Variants in SLC35F4 observed in about 807,000 individuals in gnomAD.
The protein encoded by SLC35F4 is solute carrier family 35 member F4.
In SLC35F4, 24 loss-of-function variants were observed where a neutral mutation model predicts 44.2. The observed-to-expected ratio is 0.54, with a 90% CI of 0.39 to 0.76. The LOEUF (loss-of-function observed/expected upper bound fraction) is 0.76. SLC35F4 is among the 30% of genes least tolerant of loss of function. The pLI, the probability that SLC35F4 is intolerant of heterozygous loss-of-function variation, is 0.00. For synonymous variants in SLC35F4, 238 were observed against 223.6 expected (o/e 1.06, Z -0.57); for missense variants, 562 against 586.1 (o/e 0.96, Z 0.42).
chr14:57,571,282 T>C (rs551972654), intron 5 of SLC35F4, among the ~76,000 whole-genome samples: 59 of 152,268 alleles, frequency 3.9e-4, no homozygotes, highest in African/African-American at 1.4e-3. Flanking sequence ...TTTTCTTTGA[T>C]GACAGGGAAC....
rs1177594313 is a variant in SLC35F4 at position 57,746,428 on chromosome 14, CT to C, written c.103+119294del. Among the ~76,000 whole-genome samples, 16 of 152,080 alleles carry C rather than the reference CT, an allele frequency of 1.1e-4. No individual in the cohort carries two copies. In the East Asian group the frequency reaches 2.5e-3, roughly 24 times the overall value. On this transcript the variant is annotated intron_variant, in intron 1 of 7. Coordinates refer to ENST00000556826, the MANE Select transcript of SLC35F4 (RefSeq NM_001306087.2). ...TTTGTAATGATCATATTATTTTTCT[CT>C]TTGCTAACAATGTGGGTAACATTGA...
chr14:57,578,875 C>T (rs761173757), intron 4 of SLC35F4: 3 of 152,316 alleles, frequency 2.0e-5, no homozygotes, highest in Non-Finnish European at 4.4e-5. Flanking sequence ...TAACAAATTA[C>T]CACAAACGTG....
chr14:57,747,259 C>T (rs1400738683), intron 1 of SLC35F4, among the ~76,000 whole-genome samples: 1 of 152,142 alleles, frequency 6.6e-6, no homozygotes, highest in African/African-American at 2.4e-5. Flanking sequence ...GCTTACTGCA[C>T]TGGGCATTGC....
In SLC35F4 at chr14:57,702,049, T is replaced by G. The variant is rs180728179; in HGVS notation, c.104-107925A>C. Among the ~76,000 whole-genome samples the G allele has an allele frequency of 8.5e-5, 13 of 152,286 alleles. No individual in the cohort carries two copies. In the South Asian group the frequency reaches 1.2e-3, roughly 15 times the overall value. ...CCATAAGTTTGATTAGAGGGTGGTC[T>G]GTTTGGAAAACAGGATGCTTCAAAG... On this transcript the variant is annotated intron_variant, in intron 1 of 7. Coordinates refer to ENST00000556826, the MANE Select transcript of SLC35F4 (RefSeq NM_001306087.2).
intron 1 of SLC35F4, among the ~76,000 whole-genome samples, chr14:57,604,916 G>C (rs914740377): frequency 1.3e-5 from 2 of 152,150 alleles, no homozygotes; most frequent in African/African-American, 4.8e-5. Context: ...GCAAAAGAAT[G>C]AAACTGGACC....
chr14:57,594,363 A>AT (rs1160629825), intron 1 of SLC35F4, among the ~76,000 whole-genome samples: 2 of 152,042 alleles, frequency 1.3e-5, no homozygotes, highest in African/African-American at 4.8e-5. Flanking sequence ...CTAATTTTGT[A>AT]TTTTTTGTAG....
At chr14:57,652,167 C>T (rs934586478) in intron 1 of SLC35F4, among the ~76,000 whole-genome samples, 14 of 152,320 alleles carry the variant, frequency 9.2e-5, no homozygotes, top group African/African-American at 1.7e-4. Context: ...TAACTTCATA[C>T]ATAAGTATGG....
At chr14:57,887,463 C>T (rs1449099549) in intron 1 of SLC35F4, among the ~76,000 whole-genome samples, 2 of 152,204 alleles carry the variant, frequency 1.3e-5, no homozygotes, top group African/African-American at 4.8e-5. Context: ...TACTCCATTA[C>T]CTTGGGAATT....
At chr14:57,796,588 T>A (rs2078059264) in intron 1 of SLC35F4, among the ~76,000 whole-genome samples, 1 of 152,148 alleles carries the variant, frequency 6.6e-6, no homozygotes, top group Admixed American at 6.5e-5. Context: ...AAGAGCAGAG[T>A]AGGTAGTGAA....
At chr14:57,931,610 T>C (rs1359835580) in intron 1 of SLC35F4, among the ~76,000 whole-genome samples, 1 of 152,188 alleles carries the variant, frequency 6.6e-6, no homozygotes, top group African/African-American at 2.4e-5. Flanking sequence ...AACAACCCAC[T>C]GCATCAAACA....
chr14:57,781,053 A>G (rs1173959045), intron 1 of SLC35F4, among the ~76,000 whole-genome samples: 1 of 152,154 alleles, frequency 6.6e-6, no homozygotes, highest in African/African-American at 2.4e-5. Flanking sequence ...CAACAAAAGC[A>G]AAAATTGACA....
intron 1 of SLC35F4, among the ~76,000 whole-genome samples, chr14:57,692,179 A>G (rs1225387669): frequency 3.3e-5 from 5 of 152,198 alleles, no homozygotes; most frequent in Admixed American, 3.3e-4. Flanking sequence ...AGGTTTTCTT[A>G]TTCCCAATCG....
intron 1 of SLC35F4, among the ~76,000 whole-genome samples, chr14:57,641,067 A>G (rs1417878656): frequency 6.6e-6 from 1 of 151,976 alleles, no homozygotes; most frequent in African/African-American, 2.4e-5. Flanking sequence ...GTGAAAATCA[A>G]TACAATGTTA....
chr14:57,854,553 G>T (rs369459034), intron 1 of SLC35F4, among the ~76,000 whole-genome samples: 64 of 152,058 alleles, frequency 4.2e-4, no homozygotes, highest in Middle Eastern at 3.4e-3. Flanking sequence ...CCACCTGTTT[G>T]CCCTCACTAT....
chr14:57,627,271 T>C (rs1379755020), intron 1 of SLC35F4, among the ~76,000 whole-genome samples: 1 of 152,124 alleles, frequency 6.6e-6, no homozygotes, highest in Non-Finnish European at 1.5e-5. Flanking sequence ...AAAGCCCAGA[T>C]TGGCATTTAT....
intron 1 of SLC35F4, among the ~76,000 whole-genome samples, chr14:57,776,658 T>A: frequency 1.1e-5 from 1 of 87,580 alleles, no homozygotes; most frequent in African/African-American, 5.6e-5. Context: ...AGAGCAAGAC[T>A]CCATCTCAAA....
intron 1 of SLC35F4, among the ~76,000 whole-genome samples, chr14:57,707,912 A>G (rs2075718552): frequency 1.3e-5 from 2 of 152,236 alleles, no homozygotes; most frequent in South Asian, 4.1e-4. Context: ...AACTTTAGGT[A>G]GGAATTCAGT....
chr14:57,582,887 G>A (rs238391), intron 3 of SLC35F4, among the ~76,000 whole-genome samples: 42,817 of 152,014 alleles, frequency 0.28, 6,458 homozygotes, highest in East Asian at 0.64. Context: ...CAAAGAATTA[G>A]GCACAGGGAG....
At chr14:57,620,566 G>T (rs1014651590) in intron 1 of SLC35F4, among the ~76,000 whole-genome samples, 6 of 152,132 alleles carry the variant, frequency 3.9e-5, no homozygotes, top group Non-Finnish European at 5.9e-5. Context: ...GGAACAACCG[G>T]TACCAGCCAC....
Sources: allele counts gnomAD v4.1 joint callset (sites outside exome capture counted in the v4.1 genomes callset), GRCh38; gene constraint gnomAD v4.1.1; transcripts MANE v1.5; gene names NCBI Gene and HGNC (gene_info 2026-07-23, HGNC 2026-07-21).